The following ADAMTS6 variants were observed in gnomAD, a reference collection of about 807,000 sequenced individuals.
The protein encoded by ADAMTS6 is A disintegrin and metalloproteinase with thrombospondin motifs 6.
ADAMTS6 carries 23 observed loss-of-function variants against 144.3 expected under a neutral mutation model. That is an observed-to-expected ratio of 0.16 (90% confidence interval 0.11 to 0.23). ADAMTS6 has a LOEUF of 0.23. Among genes scored for constraint, ADAMTS6 ranks in the 10% least tolerant of loss-of-function variants. The probability of loss-of-function intolerance (pLI) is 1.00; values close to 1 mark genes in which losing one functional copy is unlikely to be tolerated. For missense variants in ADAMTS6, 999 were observed against 1,379.6 expected (o/e 0.72, Z 4.37); for synonymous variants, 444 against 457.5 (o/e 0.97, Z 0.38).
chr5:65,177,938 C>A (rs1483950598), intron 22 of ADAMTS6, among the ~76,000 whole-genome samples: 1 of 152,184 alleles, frequency 6.6e-6, no homozygotes, highest in African/African-American at 2.4e-5. Context: ...TCTGCTATAT[C>A]CCAATGTCCA....
chr5:65,310,715 A>G (rs1285210786), intron 9 of ADAMTS6, among the ~76,000 whole-genome samples: 1 of 152,238 alleles, frequency 6.6e-6, no homozygotes, highest in East Asian at 1.9e-4. Context: ...AGTTTTCTAT[A>G]GAACTAGTGG....
At chr5:65,321,870 C>CA (rs1745648519) in intron 9 of ADAMTS6, among the ~76,000 whole-genome samples, 1 of 151,898 alleles carries the variant, frequency 6.6e-6, no homozygotes, top group African/African-American at 2.4e-5. Context: ...CATGTGCCAC[C>CA]ATGCCTGGCT....
chr5:65,402,689 G>GAC (rs1754027835), intron 7 of ADAMTS6, among the ~76,000 whole-genome samples: 1 of 139,424 alleles, frequency 7.2e-6, no homozygotes, highest in Non-Finnish European at 1.5e-5. Flanking sequence ...CCTATCCAAG[G>GAC]ACACCCCCCC....
At chr5:65,336,931 TACTTCTAA>T (rs1287892850) in intron 7 of ADAMTS6, among the ~76,000 whole-genome samples, 1 of 152,090 alleles carries the variant, frequency 6.6e-6, no homozygotes, top group East Asian at 1.9e-4. Flanking sequence ...CCATGATACC[TACTTCTAA>T]TAGATTTATC....
At chr5:65,392,748 T>G (rs1176266160) in intron 7 of ADAMTS6, among the ~76,000 whole-genome samples, 1 of 152,190 alleles carries the variant, frequency 6.6e-6, no homozygotes, top group Non-Finnish European at 1.5e-5. Context: ...TCTAACACTT[T>G]GGAAAAACCA....
intron 18 of ADAMTS6, among the ~76,000 whole-genome samples, chr5:65,221,144 T>G (rs1439746760): frequency 6.6e-6 from 1 of 152,070 alleles, no homozygotes; most frequent in Non-Finnish European, 1.5e-5. Context: ...CTAAAGCCAT[T>G]TCATGAAGCC....
At chr5:65,312,846 G>C (rs1194045038) in intron 9 of ADAMTS6, among the ~76,000 whole-genome samples, 1 of 151,818 alleles carries the variant, frequency 6.6e-6, no homozygotes, top group Non-Finnish European at 1.5e-5. Context: ...AACATGTTGG[G>C]GTGTATGTAT....
chr5:65,196,459 C>T (rs978058202), intron 21 of ADAMTS6, among the ~76,000 whole-genome samples: 6 of 128,560 alleles, frequency 4.7e-5, no homozygotes, highest in Non-Finnish European at 9.3e-5. Flanking sequence ...GGAGGCAGAG[C>T]TTGCAGTAAG....
chr5:65,251,331 G>C (rs1255138258), intron 14 of ADAMTS6: 1 of 152,290 alleles, frequency 6.6e-6, no homozygotes, highest in East Asian at 1.9e-4. Flanking sequence ...GAACTCTCAA[G>C]CATTATGAGT....
chr5:65,235,709 T>C (rs922160477), intron 15 of ADAMTS6, among the ~76,000 whole-genome samples: 5 of 152,182 alleles, frequency 3.3e-5, no homozygotes, highest in African/African-American at 9.6e-5. Context: ...CTCTCCTTGC[T>C]CCTCAGCCTG....
chr5:65,320,618 G>A (rs1258425447), intron 9 of ADAMTS6, among the ~76,000 whole-genome samples: 1 of 150,178 alleles, frequency 6.7e-6, no homozygotes, highest in Non-Finnish European at 1.5e-5. Flanking sequence ...GTAAATTTGT[G>A]TCATGGGGGT....
chr5:65,400,344 G>A (rs922013523), intron 7 of ADAMTS6, among the ~76,000 whole-genome samples: 13 of 152,168 alleles, frequency 8.5e-5, no homozygotes, highest in Admixed American at 6.5e-4. Context: ...CTGAATAGCT[G>A]GGACTATAGG....
At chr5:65,419,624 G>GTA (rs1310718381) in intron 7 of ADAMTS6, among the ~76,000 whole-genome samples, 1 of 152,052 alleles carries the variant, frequency 6.6e-6, no homozygotes, top group East Asian at 1.9e-4. Context: ...ATAAAATGTG[G>GTA]TATATCCATA....
In ADAMTS6 at chr5:65,387,612, G is replaced by A. The variant is rs529204282; in HGVS notation, c.1074-53527C>T. ...ACTCTCCGAGTAGGTAATAATCAGC[G>A]GTTTTACAGTGGTGACATTTATGGT... On this transcript the variant is annotated intron_variant, in intron 7 of 24. Coordinates refer to ENST00000381055, the MANE Select transcript of ADAMTS6 (RefSeq NM_197941.4). Among the ~76,000 whole-genome samples, 3 of 152,234 alleles carry A rather than the reference G, an allele frequency of 2.0e-5. No homozygotes were observed. In the South Asian group the frequency reaches 6.2e-4, roughly 32 times the overall value.
At chr5:65,466,964 C>G (rs1318751680) in intron 3 of ADAMTS6, among the ~76,000 whole-genome samples, 1 of 151,266 alleles carries the variant, frequency 6.6e-6, no homozygotes, top group Non-Finnish European at 1.5e-5. Flanking sequence ...ATGGCGTGGA[C>G]CCGGGAGGCG....
intron 11 of ADAMTS6, among the ~76,000 whole-genome samples, chr5:65,280,989 A>T (rs1762944901): frequency 1.3e-5 from 2 of 152,182 alleles, no homozygotes; most frequent in African/African-American, 4.8e-5. Flanking sequence ...ATATTTCATG[A>T]TCACTTAGGG....
intron 12 of ADAMTS6, among the ~76,000 whole-genome samples, chr5:65,272,082 C>T (rs1167197721): frequency 1.3e-5 from 2 of 152,202 alleles, no homozygotes; most frequent in Non-Finnish European, 2.9e-5. Context: ...ATGAAGCCGT[C>T]AGCAAGGATT....
intron 7 of ADAMTS6, among the ~76,000 whole-genome samples, chr5:65,435,082 A>C (rs537056129): frequency 6.6e-6 from 1 of 152,260 alleles, no homozygotes; most frequent in African/African-American, 2.4e-5. Context: ...GTAAAGATGA[A>C]TTTAAAAAAT....
chr5:65,260,141 A>G (rs1761052542), intron 14 of ADAMTS6, among the ~76,000 whole-genome samples: 1 of 152,222 alleles, frequency 6.6e-6, no homozygotes, highest in Admixed American at 6.5e-5. Context: ...AAAGTACAGA[A>G]GAAGTTTCAG....
Sources: allele counts gnomAD v4.1 joint callset (sites outside exome capture counted in the v4.1 genomes callset), GRCh38; gene constraint gnomAD v4.1.1; transcripts MANE v1.5; gene names NCBI Gene and HGNC (gene_info 2026-07-23, HGNC 2026-07-21).